The following ASTN1 variants were observed in gnomAD, a reference collection of about 807,000 sequenced individuals.
ASTN1 encodes the protein astrotactin 1.
ASTN1 carries 41 observed loss-of-function variants against 140.7 expected under a neutral mutation model. That is an observed-to-expected ratio of 0.29 (90% CI 0.23 to 0.38). The LOEUF is 0.38. ASTN1 is among the 10% of genes least tolerant of loss of function. ASTN1 has a pLI of 1.00. For synonymous variants in ASTN1, 640 were observed against 652.2 expected (o/e 0.98, Z 0.29); for missense variants, 1,479 against 1,678.8 (o/e 0.88, Z 2.08).
At chr1:176,941,836 GTCT>G in intron 14 of ASTN1, among the ~76,000 whole-genome samples, 1 of 152,104 alleles carries the variant, frequency 6.6e-6, no homozygotes, top group East Asian at 1.9e-4. Flanking sequence ...CACCTCGCAC[GTCT>G]TCAAGGCATT....
At chr1:176,865,100 A>T (rs569326982) in intron 22 of ASTN1, among the ~76,000 whole-genome samples, 115 of 152,322 alleles carry the variant, frequency 7.5e-4, no homozygotes, top group African/African-American at 2.7e-3. Context: ...AGTTGCACAC[A>T]TCACCTGATT....
At chr1:177,120,509 T>C (rs1168100136) in intron 1 of ASTN1, among the ~76,000 whole-genome samples, 3 of 152,200 alleles carry the variant, frequency 2.0e-5, no homozygotes, top group Admixed American at 6.5e-5. Context: ...TGAAAAGCCC[T>C]TCCTAAGGCT....
intron 2 of ASTN1, among the ~76,000 whole-genome samples, chr1:177,036,036 C>CTTTTTTTTTTTTTT (rs869200407): frequency 1.3e-5 from 1 of 78,788 alleles, no homozygotes; most frequent in African/African-American, 5.5e-5. Flanking sequence ...CCTCAGCTTT[C>CTTTTTTTTTTTTTT]TTTTTTTTTT....
intron 16 of ASTN1, among the ~76,000 whole-genome samples, chr1:176,930,994 A>G (rs1389171962): frequency 6.6e-6 from 1 of 152,148 alleles, no homozygotes; most frequent in Non-Finnish European, 1.5e-5. Context: ...TAGAGGAAGC[A>G]GGGAGGGATG....
At chr1:177,164,351 C>T in intron 1 of ASTN1, 43 bp downstream of exon 1, 5 of 1,484,208 alleles carry the variant, frequency 3.4e-6, no homozygotes, top group Non-Finnish European at 4.5e-6. Flanking sequence ...GTGGGGGCGC[C>T]GGTCCAGCGC....
chr1:176,958,566 C>T, intron 9 of ASTN1, 84 bp from the exon 10 acceptor site: 2 of 1,454,680 alleles, frequency 1.4e-6, no homozygotes, highest in Non-Finnish European at 1.8e-6. Flanking sequence ...ATTACCAGTG[C>T]TTTCTTCTCA....
At chr1:177,088,555 TG>T (rs1421620908) in intron 1 of ASTN1, among the ~76,000 whole-genome samples, 1 of 152,230 alleles carries the variant, frequency 6.6e-6, no homozygotes, top group Admixed American at 6.5e-5. Flanking sequence ...ACACTTTTTT[TG>T]TGAGTTATCA....
At chr1:177,142,133 C>T (rs1441735309) in intron 1 of ASTN1, among the ~76,000 whole-genome samples, 1 of 152,152 alleles carries the variant, frequency 6.6e-6, no homozygotes, top group Non-Finnish European at 1.5e-5. Context: ...TAGACATGCT[C>T]TGAAGATGGC....
chr1:176,989,092 G>C (rs933278570), intron 8 of ASTN1, among the ~76,000 whole-genome samples: 13 of 152,186 alleles, frequency 8.5e-5, no homozygotes, highest in African/African-American at 3.1e-4. Context: ...GGAGTAAAAA[G>C]GGGCATTTCC....
chr1:176,896,554 T>C (rs1377024190), intron 16 of ASTN1, among the ~76,000 whole-genome samples: 1 of 152,140 alleles, frequency 6.6e-6, no homozygotes, highest in Non-Finnish European at 1.5e-5. Flanking sequence ...ACTGTACGGA[T>C]TGGGCGGAGC....
At position 177,143,800 on chromosome 1, in the gene ASTN1, G is replaced by A. The variant is rs541248212; in HGVS notation, c.283+20594C>T. Among the ~76,000 whole-genome samples, 9 of 151,780 alleles carry A rather than the reference G, an allele frequency of 5.9e-5. No individual in the cohort carries two copies. The South Asian group carries it at 1.7e-3, about 28-fold the overall frequency. On this transcript the variant is annotated intron_variant, in intron 1 of 22. Coordinates refer to ENST00000361833, the MANE Select transcript of ASTN1 (RefSeq NM_004319.3). Reference sequence around the variant, plus strand: ...TGTTTAAATATTATAGTTTTAAAACGATACCTCAAGTATCGACTAAAAATA... The same window carrying A: ...TGTTTAAATATTATAGTTTTAAAACAATACCTCAAGTATCGACTAAAAATA...
At chr1:177,094,717 C>T (rs1251326199) in intron 1 of ASTN1, among the ~76,000 whole-genome samples, 1 of 152,076 alleles carries the variant, frequency 6.6e-6, no homozygotes, top group Non-Finnish European at 1.5e-5. Context: ...TAACAAATAC[C>T]TAAAAATGTG....
Position 176,863,339 on chromosome 1 carries a change from A to G in ASTN1, c.*945T>C. 1 of 985,896 alleles carries G rather than the reference A, an allele frequency of 1.0e-6. No homozygotes were observed. Among genetic ancestry groups the G allele is most frequent in the East Asian group, 1.1e-4 (1 of 8,806 alleles). 61.1% of individuals were successfully genotyped at this position (985,896 alleles called of 1,614,324 possible). A position where few individuals can be genotyped will look rare whatever the true frequency, so the allele number is the denominator to read the frequency against. ...TGACCCCTCCTGGTCCCAATCAGAC[A>G]TCGGCCAAGCCTTACCTGTCCAAGG... On this transcript the variant is annotated 3_prime_UTR_variant, in exon 23 of 23. Coordinates refer to ENST00000361833, the MANE Select transcript of ASTN1 (RefSeq NM_004319.3).
At chr1:176,973,795 A>G (rs1400993478) in intron 8 of ASTN1, among the ~76,000 whole-genome samples, 1 of 152,174 alleles carries the variant, frequency 6.6e-6, no homozygotes, top group African/African-American at 2.4e-5. Flanking sequence ...TCCAGTAATT[A>G]GGCATGAACA....
At chr1:177,038,489 G>T (rs1571691627) in intron 2 of ASTN1, among the ~76,000 whole-genome samples, 1 of 152,172 alleles carries the variant, frequency 6.6e-6, no homozygotes, top group Non-Finnish European at 1.5e-5. Flanking sequence ...AGGAAGGAAA[G>T]AAGGAAGGGA....
At chr1:176,994,025 G>GTGTGTGTA (rs1553240158) in intron 8 of ASTN1, among the ~76,000 whole-genome samples, 28 of 150,596 alleles carry the variant, frequency 1.9e-4, no homozygotes, top group African/African-American at 6.4e-4. Context: ...GTACGTGTGT[G>GTGTGTGTA]TGTGTGTGTG....
chr1:177,058,706 AT>A (rs2102028208), intron 2 of ASTN1, among the ~76,000 whole-genome samples: 1 of 152,152 alleles, frequency 6.6e-6, no homozygotes, highest in African/African-American at 2.4e-5. Context: ...TTGTATTTCC[AT>A]TGATTTTTGG....
At chr1:177,133,557 G>C (rs1206472257) in intron 1 of ASTN1, among the ~76,000 whole-genome samples, 3 of 152,170 alleles carry the variant, frequency 2.0e-5, no homozygotes, top group Non-Finnish European at 4.4e-5. Flanking sequence ...GATGGGGCAG[G>C]AATGGGGTTA....
chr1:177,019,680 A>G (rs1675721765), intron 7 of ASTN1, among the ~76,000 whole-genome samples: 1 of 152,146 alleles, frequency 6.6e-6, no homozygotes, highest in Admixed American at 6.5e-5. Flanking sequence ...CTCTAGGTAT[A>G]TTACATCCCT....
Sources: allele counts gnomAD v4.1 joint callset (sites outside exome capture counted in the v4.1 genomes callset), GRCh38; gene constraint gnomAD v4.1.1; transcripts MANE v1.5; gene names NCBI Gene and HGNC (gene_info 2026-07-23, HGNC 2026-07-21).